HERC6: variants seen among roughly 807,000 people sequenced by gnomAD.
HERC6 encodes the protein probable E3 ubiquitin-protein ligase HERC6.
In HERC6, 101 loss-of-function variants were observed where a neutral mutation model predicts 114.5. The observed-to-expected ratio is 0.88, with a 90% CI of 0.75 to 1.04. HERC6 has a LOEUF of 1.04. HERC6 is among the 50% of genes least tolerant of loss of function. HERC6 has a pLI of 0.00. For synonymous variants in HERC6, 408 were observed against 436.2 expected (o/e 0.94, Z 0.81); for missense variants, 1,133 against 1,230.9 (o/e 0.92, Z 1.19).
intron 3 of HERC6, among the ~76,000 whole-genome samples, chr4:88,389,439 A>G (rs1417070516): frequency 6.6e-6 from 1 of 152,268 alleles, no homozygotes; most frequent in East Asian, 1.9e-4. Flanking sequence ...TTTTTAGGAG[A>G]GAAAAGTTGG....
At chr4:88,430,596 AT>A (rs1738092328) in intron 16 of HERC6, among the ~76,000 whole-genome samples, 1 of 151,336 alleles carries the variant, frequency 6.6e-6, no homozygotes, top group East Asian at 1.9e-4. Flanking sequence ...AAATAAATAA[AT>A]AAATAAATAA....
rs201249650 is a variant in HERC6, at chr4:88,442,306, A to C, written c.2915A>C (p.Glu972Ala). ...ATGGAAATAGTATTTCGCTGTCCTG[A>C]AACTTTCAGTGAAAGAGATCACCCA... Reference protein sequence around the residue: ...QKMEIVFRCPETFSERDHPTS... With the variant: ...QKMEIVFRCPATFSERDHPTS... The change falls in exon 23 of 23, where the codon GAA (glutamate) becomes GCA (alanine). Residue 972 changes from glutamate (E) to alanine (A), a missense_variant. By Grantham distance (107) the Glu-to-Ala change is moderately radical. Around this residue, in one of 3 missense-constraint regions of HERC6, gnomAD observed 388 missense variants for 445.9 expected, o/e 0.87. Transcript: ENST00000264346. 1 of 1,613,866 alleles carries C rather than the reference A, an allele frequency of 6.2e-7. No homozygotes were observed. The highest frequency in any genetic ancestry group is 1.7e-5 in the Admixed American group (1 of 59,992).
At chr4:88,422,374 G>T (rs1737154010) in intron 13 of HERC6, among the ~76,000 whole-genome samples, 1 of 152,062 alleles carries the variant, frequency 6.6e-6, no homozygotes, top group Non-Finnish European at 1.5e-5. Context: ...GATCTCAAAG[G>T]GAAAACCTTA....
intron 13 of HERC6, among the ~76,000 whole-genome samples, chr4:88,419,486 T>A (rs987818409): frequency 2.4e-4 from 37 of 152,206 alleles, no homozygotes; most frequent in Non-Finnish European, 2.4e-4. Flanking sequence ...AGCTCTTAAA[T>A]TCCAGAGAAG....
intron 20 of HERC6, 37 bp from the exon 21 acceptor site, chr4:88,439,837 C>CTTTT: frequency 7.5e-7 from 1 of 1,334,810 alleles, no homozygotes; most frequent in South Asian, 1.6e-5. Context: ...CCTTTTCCTT[C>CTTTT]CTTTCTTTTT....
intron 10 of HERC6, among the ~76,000 whole-genome samples, chr4:88,407,474 C>T (rs984569611): frequency 1.3e-5 from 2 of 152,026 alleles, no homozygotes; most frequent in African/African-American, 4.8e-5. Flanking sequence ...GATCATAGCT[C>T]CCTGTAGCCT....
intron 11 of HERC6, among the ~76,000 whole-genome samples, chr4:88,408,904 G>A (rs1323093229): frequency 6.6e-6 from 1 of 152,104 alleles, no homozygotes; most frequent in African/African-American, 2.4e-5. Flanking sequence ...TGGTGGGCAG[G>A]GGGCTAGGGT....
chr4:88,405,453 A>G (rs1735772822), intron 9 of HERC6, 101 bp from the exon 10 acceptor site: 5 of 554,970 alleles, frequency 9.0e-6, no homozygotes, highest in Non-Finnish European at 1.5e-5. Context: ...TTTCATTAAT[A>G]ATTATTCCAC....
At position 88,383,336 on chromosome 4, in the gene HERC6, G is replaced by A. The variant is rs768802100; in HGVS notation, c.315G>A (p.Gly105=). The change falls in exon 2 of 23, where the codon GGG becomes GGA. Residue 105 remains glycine, a synonymous_variant. Coordinates refer to ENST00000264346, the MANE Select transcript of HERC6 (RefSeq NM_017912.4). ...RVFAWGAGSE[G]QLGIGEFKEI... ...TCGCATGGGGAGCTGGTTCTGAAGG[G>A]CAGCTGGGGATTGGAGAATTCAAGG... 44 of 1,546,462 alleles carry A rather than the reference G, an allele frequency of 2.8e-5. No individual in the cohort carries two copies. In the South Asian group the frequency reaches 5.3e-4, roughly 18 times the overall value.
intron 10 of HERC6, among the ~76,000 whole-genome samples, chr4:88,406,071 T>C (rs1362380555): frequency 6.6e-6 from 1 of 152,264 alleles, no homozygotes; most frequent in Non-Finnish European, 1.5e-5. Flanking sequence ...TCTGATCCAA[T>C]AGTTGAAACA....
chr4:88,428,806 A>G (rs1737896349), intron 16 of HERC6, 56 bp downstream of exon 16: 11 of 1,362,904 alleles, frequency 8.1e-6, no homozygotes, highest in South Asian at 1.7e-5. Context: ...ATGCATTCAT[A>G]TGATGTAACA....
At chr4:88,416,486 T>C (rs1017506764) in intron 12 of HERC6, among the ~76,000 whole-genome samples, 2 of 152,084 alleles carry the variant, frequency 1.3e-5, no homozygotes, top group Non-Finnish European at 2.9e-5. Context: ...GCAGAATTAT[T>C]TTAAAAAATT....
rs1734870472 is a variant in HERC6, at chr4:88,390,750, GAGGGGATC to G, written c.536_543del (p.Glu179AlafsTer27). The G allele has an allele frequency of 6.2e-7, 1 of 1,614,102 alleles. No individual in the cohort carries two copies. The highest frequency in any genetic ancestry group is 1.7e-5 in the Admixed American group (1 of 60,006). ...CAGCCCGCAGAGGGTGAGGTCCCTG[GAGGGGATC>G]CCACTGGCTCAGGTGGCTGCCGGAG... On this transcript the variant is annotated frameshift_variant, in exon 4 of 23. Coordinates refer to ENST00000264346, the MANE Select transcript of HERC6 (RefSeq NM_017912.4). LOFTEE classifies it high-confidence loss of function.
At chr4:88,396,772 T>G (rs1735254204) in intron 6 of HERC6, 79 bp from the exon 7 acceptor site, 1 of 1,307,776 alleles carries the variant, frequency 7.6e-7, no homozygotes, top group Non-Finnish European at 1.0e-6. Context: ...GTGTTTGTTA[T>G]TTTGTCTTAA....
At chr4:88,385,396 C>G (rs185882817) in intron 2 of HERC6, 103 bp from the exon 3 acceptor site, 1 of 645,556 alleles carries the variant, frequency 1.5e-6, no homozygotes, top group African/African-American at 1.9e-5. Flanking sequence ...AAATAGTTTT[C>G]CTGGACCAGA....
chr4:88,383,160 C>T (rs1462970021), intron 1 of HERC6, 61 bp from the exon 2 acceptor site: 2 of 1,563,304 alleles, frequency 1.3e-6, no homozygotes, highest in African/African-American at 2.7e-5. Context: ...CTGTCTTAAA[C>T]TTGTGTTAAA....
In HERC6 at chr4:88,398,151, A is replaced by G. The variant is rs759023305; in HGVS notation, c.1034A>G (p.Asp345Gly). ...SCLISAEDFVDVQVKHIFAGT... is the reference protein window; with the variant it reads ...SCLISAEDFVGVQVKHIFAGT... The stretch of plus-strand genomic sequence containing the variant: ...TATGACTTTCTTTTAGACTTCGTGG[A>G]TGTTCAAGTCAAACACATTTTTGCT... Residue 345 changes from aspartate to glycine, a missense_variant, in exon 8 of 23, where the codon GAT becomes GGT. By Grantham distance (94) the Asp-to-Gly change is moderately conservative. This residue lies in a region of HERC6 where 735 missense variants were observed against 754.0 expected (regional missense o/e 0.97). Coordinates refer to ENST00000264346, the MANE Select transcript of HERC6 (RefSeq NM_017912.4). The G allele has an allele frequency of 6.3e-7, 1 of 1,592,426 alleles. No homozygotes were observed. The highest frequency in any genetic ancestry group is 8.6e-7 in the Non-Finnish European group (1 of 1,168,744).
intron 10 of HERC6, among the ~76,000 whole-genome samples, chr4:88,407,281 C>T (rs1360261900): frequency 4.0e-5 from 6 of 148,820 alleles, no homozygotes; most frequent in Middle Eastern, 3.7e-3. Context: ...GGTTTCACCA[C>T]GTTGGGCCAG....
chr4:88,424,582 G>C lies in HERC6; in HGVS notation c.1828-13G>C. The stretch of plus-strand genomic sequence containing the variant: ...TTTAATTATCAAAACTATTATCTCT[G>C]TTTATTTTTTAGATACCTGCAGAAA... On this transcript the variant is annotated splice_polypyrimidine_tract_variant and intron_variant, in intron 14 of 22. Transcript: ENST00000264346. 1 of 1,546,470 alleles carries C rather than the reference G, an allele frequency of 6.5e-7. No homozygotes were observed. Among genetic ancestry groups the C allele is most frequent in the Non-Finnish European group, 8.9e-7 (1 of 1,124,568 alleles).
Sources: gnomAD v4.1 joint callset for allele counts (sites outside exome capture counted in the v4.1 genomes callset) on GRCh38, gnomAD v4.1.1 for gene constraint, gnomAD v4.1.1 regional missense constraint, MANE v1.5 for transcripts, NCBI Gene and HGNC (gene_info 2026-07-23, HGNC 2026-07-21) for gene names.